SLC9C1: variants seen among roughly 807,000 people sequenced by gnomAD.
The protein encoded by SLC9C1 is sodium/hydrogen exchanger 10.
A neutral mutation model predicts 140.9 loss-of-function variants in SLC9C1; 97 were observed. The observed-to-expected ratio is 0.69, with a 90% CI of 0.58 to 0.82. SLC9C1 has a LOEUF of 0.82. SLC9C1 is among the 40% of genes least tolerant of loss of function. SLC9C1 has a pLI of 0.00. For missense variants in SLC9C1, 1,340 were observed against 1,389.3 expected (o/e 0.96, Z 0.56); for synonymous variants, 440 against 442.6 (o/e 0.99, Z 0.07).
At chr3:112,231,522 T>A in intron 12 of SLC9C1, 36 bp from the exon 13 acceptor site, 1 of 1,554,106 alleles carries the variant, frequency 6.4e-7, no homozygotes, top group East Asian at 2.4e-5. Flanking sequence ...AAAAAATACA[T>A]GAATATTAAC....
At chr3:112,229,031 A>G (rs2078752828) in intron 13 of SLC9C1, among the ~76,000 whole-genome samples, 1 of 152,158 alleles carries the variant, frequency 6.6e-6, no homozygotes, top group South Asian at 2.1e-4. Flanking sequence ...GGCAACATGG[A>G]TAAGACTAGA....
At chr3:112,253,776 G>A (rs569500743) in intron 10 of SLC9C1, among the ~76,000 whole-genome samples, 10 of 152,300 alleles carry the variant, frequency 6.6e-5, no homozygotes, top group African/African-American at 1.9e-4. Flanking sequence ...TAACCAGGGT[G>A]AGTTGGCTGA....
At chr3:112,219,927 T>C (rs1576373108) in intron 14 of SLC9C1, among the ~76,000 whole-genome samples, 1 of 152,304 alleles carries the variant, frequency 6.6e-6, no homozygotes, top group East Asian at 1.9e-4. Context: ...ATGCTTTTTA[T>C]TGTGTCATTT....
chr3:112,150,991 C>T (rs1576207782), intron 28 of SLC9C1, among the ~76,000 whole-genome samples: 2 of 151,492 alleles, frequency 1.3e-5, no homozygotes, highest in African/African-American at 2.4e-5. Flanking sequence ...GCATCTGCCA[C>T]AGCGCCTGGC....
At position 112,208,500 on chromosome 3, in the gene SLC9C1, ACTAG is replaced by A. The variant is rs1037485747; in HGVS notation, c.1791-131_1791-128del. 3.4e-5 allele frequency: 18 copies of A among 523,320 alleles called. No individual in the cohort carries two copies. The African/African-American group carries it at 3.5e-4, about 10-fold the overall frequency. The allele number at this position is 523,320 out of a possible 1,614,324, so 32.4% of individuals were successfully genotyped here. On this transcript the variant is annotated intron_variant, in intron 15 of 28. Transcript: ENST00000305815. ...TTTAATAATTCTGAAAGCAGCCACC[ACTAG>A]CTAACACGTTCTGGCATCCCACTTC...
At chr3:112,251,754 T>G (rs1467283891) in intron 10 of SLC9C1, among the ~76,000 whole-genome samples, 1 of 151,868 alleles carries the variant, frequency 6.6e-6, no homozygotes, top group East Asian at 1.9e-4. Context: ...GCAGCTGCCC[T>G]GTGGAAGAGT....
In SLC9C1 at chr3:112,168,839, G is replaced by C. The variant is rs201183809; in HGVS notation, c.3237+38C>G. 2.5e-5 allele frequency: 37 copies of C among 1,488,424 alleles called. No individual in the cohort carries two copies. The East Asian group carries it at 7.3e-4, about 29-fold the overall frequency. The allele number at this position is 1,488,424 out of a possible 1,614,324, so 92.2% of individuals were successfully genotyped here. ...ACGTTAATACATTGTTGGACATATGGCATATTGATCTGAAGACAGGAATCA... is the reference window on the plus strand; with the variant it reads ...ACGTTAATACATTGTTGGACATATGCCATATTGATCTGAAGACAGGAATCA... On this transcript the variant is annotated intron_variant, in intron 25 of 28. Transcript: ENST00000305815.
chr3:112,186,039 A>C, intron 20 of SLC9C1: 1 of 1,319,582 alleles, frequency 7.6e-7, no homozygotes, highest in Non-Finnish European at 1.0e-6. Flanking sequence ...CCATTTAAAT[A>C]TCTTCCGCTG....
intron 26 of SLC9C1, among the ~76,000 whole-genome samples, chr3:112,162,006 C>A (rs1212459283): frequency 6.6e-6 from 1 of 152,064 alleles, no homozygotes; most frequent in Non-Finnish European, 1.5e-5. Context: ...AGTTGGATTC[C>A]TAGGTATTTT....
chr3:112,250,480 ATC>A (rs2079423225), intron 10 of SLC9C1, among the ~76,000 whole-genome samples: 1 of 140,184 alleles, frequency 7.1e-6, no homozygotes, highest in Admixed American at 7.4e-5. Flanking sequence ...TCCCTGAGGA[ATC>A]ACCACACTGA....
At chr3:112,192,382 A>G (rs2077681634) in intron 20 of SLC9C1, among the ~76,000 whole-genome samples, 2 of 152,182 alleles carry the variant, frequency 1.3e-5, no homozygotes, top group Non-Finnish European at 1.5e-5. Context: ...GCTTATTTCA[A>G]TTAGCACAAG....
chr3:112,276,230 A>G (rs1195609631), intron 5 of SLC9C1, among the ~76,000 whole-genome samples: 1 of 152,136 alleles, frequency 6.6e-6, no homozygotes, highest in Non-Finnish European at 1.5e-5. Context: ...ATTTTAGAAA[A>G]TGGAAGTATG....
chr3:112,144,930 A>G (rs1602672), intron 28 of SLC9C1, among the ~76,000 whole-genome samples: 47,363 of 151,918 alleles, frequency 0.31, 8,026 homozygotes, highest in East Asian at 0.41. Context: ...GGATGACTTT[A>G]TTTCTTTCTT....
chr3:112,272,514 T>C (rs1169202252), intron 6 of SLC9C1, among the ~76,000 whole-genome samples: 1 of 152,218 alleles, frequency 6.6e-6, no homozygotes, highest in Admixed American at 6.5e-5. Flanking sequence ...CTGAAAAGTA[T>C]TGATTCACAA....
At position 112,274,891 on chromosome 3, in the gene SLC9C1, A is replaced by G; in HGVS notation, c.613+6T>C. On this transcript the variant is annotated splice_donor_region_variant and intron_variant, in intron 6 of 28. Coordinates refer to ENST00000305815, the MANE Select transcript of SLC9C1 (RefSeq NM_183061.3). ...GTTGAGAAAAATTTTTTAAAAATAT[A>G]CTTACCTAAGGTATGGTTTCTTTTA... The G allele has an allele frequency of 6.5e-7, 1 of 1,537,206 alleles. No homozygotes were observed. The highest frequency in any genetic ancestry group is 2.3e-5 in the Admixed American group (1 of 43,104).
chr3:112,193,029 G>T (rs2077695881), intron 20 of SLC9C1, among the ~76,000 whole-genome samples: 1 of 152,104 alleles, frequency 6.6e-6, no homozygotes, highest in Non-Finnish European at 1.5e-5. Context: ...CGGTTGGGTA[G>T]AATGCATTGG....
chr3:112,192,784 T>G (rs941451459), intron 20 of SLC9C1, among the ~76,000 whole-genome samples: 8 of 152,226 alleles, frequency 5.3e-5, no homozygotes, highest in African/African-American at 1.9e-4. Flanking sequence ...CTGTATTCTC[T>G]TGTATCCTAC....
At chr3:112,199,571 C>T in intron 19 of SLC9C1, 102 bp from the exon 20 acceptor site, 1 of 828,696 alleles carries the variant, frequency 1.2e-6, no homozygotes, top group Non-Finnish European at 1.7e-6. Flanking sequence ...TGGAATACCG[C>T]CCTCAACACA....
chr3:112,239,325 G>C (rs1267028807), intron 12 of SLC9C1, among the ~76,000 whole-genome samples: 2 of 152,356 alleles, frequency 1.3e-5, no homozygotes, highest in Admixed American at 1.3e-4. Flanking sequence ...TAGGGTGGGA[G>C]TGACCCAATT....
Sources: gnomAD v4.1 joint callset for allele counts (sites outside exome capture counted in the v4.1 genomes callset) on GRCh38, gnomAD v4.1.1 for gene constraint, MANE v1.5 for transcripts, NCBI Gene and HGNC (gene_info 2026-07-23, HGNC 2026-07-21) for gene names.